The following UGT2A1 variants were observed in gnomAD, a reference collection of about 807,000 sequenced individuals.
UGT2A1 encodes the protein UDP-glucuronosyltransferase 2A1.
Under a neutral mutation model 45.4 loss-of-function variants are expected in UGT2A1, and 61 were observed. The ratio of observed to expected loss-of-function variants is 1.34; its 90% CI spans 1.09 to 1.66. The LOEUF is 1.66. UGT2A1 is among the 40% of genes most tolerant of loss of function. The probability of loss-of-function intolerance (pLI) is 0.00; values close to 1 mark genes in which losing one functional copy is unlikely to be tolerated. For missense variants in UGT2A1, 649 were observed against 574.3 expected (o/e 1.13, Z -1.33); for synonymous variants, 229 against 196.2 (o/e 1.17, Z -1.40).
At chr4:69,621,850 A>G (rs1720775430) in intron 3 of UGT2A1, among the ~76,000 whole-genome samples, 1 of 151,888 alleles carries the variant, frequency 6.6e-6, no homozygotes, top group Non-Finnish European at 1.5e-5. Flanking sequence ...TGTTTTTTGC[A>G]GGAACATAGA....
chr4:69,596,444 T>A, intron 4 of UGT2A1: 1 of 1,420,982 alleles, frequency 7.0e-7, no homozygotes, highest in Non-Finnish European at 9.3e-7. Context: ...TAAGTTTACT[T>A]ACACATTTAA....
chr4:69,619,755 C>A (rs1577977139), intron 3 of UGT2A1, among the ~76,000 whole-genome samples: 2 of 151,890 alleles, frequency 1.3e-5, no homozygotes, highest in South Asian at 2.1e-4. Context: ...AAATCCTCAA[C>A]AAAATACTTT....
intron 3 of UGT2A1, among the ~76,000 whole-genome samples, chr4:69,609,228 C>A (rs1181487986): frequency 6.6e-6 from 1 of 151,300 alleles, no homozygotes; most frequent in African/African-American, 2.4e-5. Flanking sequence ...ACACAGCTCA[C>A]TGCAGCCTTG....
chr4:69,607,934 G>A (rs1719759074), intron 3 of UGT2A1, among the ~76,000 whole-genome samples: 1 of 152,170 alleles, frequency 6.6e-6, no homozygotes, highest in Non-Finnish European at 1.5e-5. Flanking sequence ...GTGCTGGAGA[G>A]GATGTCGAGA....
chr4:69,626,123 TCTGATTTTACCTTGTTGGATA>T (rs1196268037), intron 3 of UGT2A1, among the ~76,000 whole-genome samples: 2 of 151,588 alleles, frequency 1.3e-5, no homozygotes, highest in African/African-American at 4.8e-5. Flanking sequence ...AACTTTTTTT[TCTGATTTTACCTTGTTGGATA>T]CTGGGCTATT....
chr4:69,599,847 CAACCAAAATTAAACTAT>C (rs1719164833), intron 3 of UGT2A1: 1 of 153,802 alleles, frequency 6.5e-6, no homozygotes, highest in Non-Finnish European at 1.4e-5. Context: ...AATAATAAAT[CAACCAAAATTAAACTAT>C]AACTACAACT....
chr4:69,639,245 T>C, intron 2 of UGT2A1: 6 of 1,613,652 alleles, frequency 3.7e-6, no homozygotes, highest in Non-Finnish European at 5.1e-6. Flanking sequence ...CACAGAGTTG[T>C]ATGTTAATTT....
chr4:69,606,624 G>A (rs1719641005), intron 3 of UGT2A1, among the ~76,000 whole-genome samples: 2 of 136,958 alleles, frequency 1.5e-5, no homozygotes, highest in Non-Finnish European at 3.1e-5. Flanking sequence ...GAAAGAGGAA[G>A]TCAAATTGTC....
chr4:69,622,973 G>A (rs1720837314), intron 3 of UGT2A1, among the ~76,000 whole-genome samples: 1 of 151,700 alleles, frequency 6.6e-6, no homozygotes, highest in African/African-American at 2.4e-5. Context: ...GGGTCATAAA[G>A]GTCTCTTTAA....
At chr4:69,617,902 C>T (rs1720496358) in intron 3 of UGT2A1, among the ~76,000 whole-genome samples, 1 of 151,732 alleles carries the variant, frequency 6.6e-6, no homozygotes, top group African/African-American at 2.4e-5. Flanking sequence ...ACAAAACCGA[C>T]ACAGTAACAG....
intron 3 of UGT2A1, among the ~76,000 whole-genome samples, chr4:69,616,303 A>G (rs1013461534): frequency 1.3e-5 from 2 of 151,994 alleles, no homozygotes; most frequent in East Asian, 1.9e-4. Context: ...GAATGAAAAA[A>G]TCTAGTGTTT....
chr4:69,605,331 T>A (rs1719544654), intron 3 of UGT2A1, among the ~76,000 whole-genome samples: 1 of 136,638 alleles, frequency 7.3e-6, no homozygotes, highest in African/African-American at 3.0e-5. Flanking sequence ...ACTGGGTACA[T>A]AACGAAATGA....
At chr4:69,601,002 G>T (rs1471344591) in intron 3 of UGT2A1, among the ~76,000 whole-genome samples, 3 of 152,070 alleles carry the variant, frequency 2.0e-5, no homozygotes, top group African/African-American at 7.2e-5. Context: ...CCATCTCAGT[G>T]GGGAAGGCTT....
In UGT2A1 at chr4:69,594,635, A is replaced by T. The variant is rs749638314; in HGVS notation, c.1146T>A (p.Ile382=). The T allele has an allele frequency of 2.4e-5, 38 of 1,614,136 alleles. No homozygotes were observed. The East Asian group carries it at 7.6e-4, about 32-fold the overall frequency. ...CTCCCACCATAGGGACTCCGTGGTA[A>T]ATAGCTTCGTAGATCCCATTAGTTC... is the stretch of plus-strand genomic sequence containing the variant. The part of the protein sequence containing the change: ...HGGTNGIYEA[I]YHGVPMVGVP... The change falls in exon 6 of 7, where the codon ATT becomes ATA. Residue 382 remains isoleucine, a synonymous_variant. Coordinates refer to ENST00000286604, the MANE Select transcript of UGT2A1 (RefSeq NM_001252275.3).
chr4:69,628,598 G>A (rs989566259), intron 3 of UGT2A1, among the ~76,000 whole-genome samples: 52 of 150,954 alleles, frequency 3.4e-4, no homozygotes, highest in African/African-American at 1.2e-3. Flanking sequence ...CTTCAAATTT[G>A]ATGAAAAAAA....
chr4:69,611,823 A>G (rs1458731763), intron 3 of UGT2A1, among the ~76,000 whole-genome samples: 2 of 152,158 alleles, frequency 1.3e-5, no homozygotes, highest in African/African-American at 4.8e-5. Flanking sequence ...AGTATGTTTT[A>G]GGGTGGGAAA....
At chr4:69,632,990 G>C (rs1431059477) in intron 3 of UGT2A1, among the ~76,000 whole-genome samples, 1 of 152,092 alleles carries the variant, frequency 6.6e-6, no homozygotes, top group Non-Finnish European at 1.5e-5. Context: ...GGACGTGGGT[G>C]ACAATTTAAT....
chr4:69,646,144 A>G (rs1460872862), intron 2 of UGT2A1, among the ~76,000 whole-genome samples: 2 of 151,820 alleles, frequency 1.3e-5, no homozygotes, highest in African/African-American at 4.8e-5. Context: ...CCTTGAATCC[A>G]TGGACTTTAT....
intron 3 of UGT2A1, among the ~76,000 whole-genome samples, chr4:69,622,329 A>G (rs182317160): frequency 6.6e-6 from 1 of 151,852 alleles, no homozygotes; most frequent in African/African-American, 2.4e-5. Flanking sequence ...AAAGTTAGAG[A>G]TCAAAACATA....
Sources: allele counts gnomAD v4.1 joint callset (sites outside exome capture counted in the v4.1 genomes callset), GRCh38; gene constraint gnomAD v4.1.1; transcripts MANE v1.5; gene names NCBI Gene and HGNC (gene_info 2026-07-23, HGNC 2026-07-21).